TAS2R1: variants seen among roughly 807,000 people sequenced by gnomAD.
TAS2R1 encodes taste receptor type 2 member 1.
For synonymous variants in TAS2R1, 141 were observed against 134.2 expected (o/e 1.05, Z -0.35); for missense variants, 370 against 353.4 (o/e 1.05, Z -0.38).
At chr5:9,895,682 T>C in the TAS2R1 span, among the ~76,000 whole-genome samples, 1 of 152,222 alleles carries the variant, frequency 6.6e-6, no homozygotes, top group Non-Finnish European at 1.5e-5. Context: ...TTCTGGGCAC[T>C]CTATCAACAG....
the TAS2R1 span, among the ~76,000 whole-genome samples, chr5:9,842,598 C>T: frequency 2.9e-3 from 434 of 152,266 alleles, 2 homozygotes; most frequent in African/African-American, 0.01. Flanking sequence ...GCTGGGATTA[C>T]AGGCATGAGC....
chr5:9,709,617 C>T (rs1047024176), intron 1 of TAS2R1, among the ~76,000 whole-genome samples: 4 of 152,220 alleles, frequency 2.6e-5, no homozygotes, highest in Non-Finnish European at 4.4e-5. Flanking sequence ...CTCATCCCTT[C>T]TCTGAGGACA....
In TAS2R1 at chr5:9,629,887, G is replaced by C; in HGVS notation, c.146C>G (p.Ser49Cys). 1 of 1,614,006 alleles carries C rather than the reference G, an allele frequency of 6.2e-7. No homozygotes were observed. Among genetic ancestry groups the C allele is most frequent in the East Asian group, 2.2e-5 (1 of 44,886 alleles). ...RKMAPLDLLL[S>C]CLAVSRIFLQ... ...AAAAATTCTAGAAACTGCCAGACAA[G>C]AAAGAAGGAGATCCAGCGGAGCCAT... Residue 49 changes from serine to cysteine, a missense_variant, in exon 1 of 1, where the codon TCT becomes TGT. Transcript: ENST00000382492.
chr5:9,884,725 C>T, the TAS2R1 span, among the ~76,000 whole-genome samples: 2 of 152,226 alleles, frequency 1.3e-5, no homozygotes, highest in Non-Finnish European at 2.9e-5. Context: ...ACAGCAGTCA[C>T]TCTTGGCAAC....
intron 2 of TAS2R1, among the ~76,000 whole-genome samples, chr5:9,647,502 A>G (rs1462624328): frequency 6.6e-6 from 1 of 152,154 alleles, no homozygotes; most frequent in East Asian, 1.9e-4. Flanking sequence ...AAACCTAGAT[A>G]TAGGAGTCTG....
the TAS2R1 span, among the ~76,000 whole-genome samples, chr5:9,743,266 G>A: frequency 1.3e-5 from 2 of 151,906 alleles, no homozygotes; most frequent in Non-Finnish European, 2.9e-5. Context: ...AATGAAATAG[G>A]GAGATTTCTA....
the TAS2R1 span, among the ~76,000 whole-genome samples, chr5:9,773,847 T>C: frequency 6.6e-6 from 1 of 152,230 alleles, no homozygotes; most frequent in Non-Finnish European, 1.5e-5. Context: ...GGATACTTTC[T>C]TTACCCTTGA....
chr5:9,834,553 G>GA, the TAS2R1 span, among the ~76,000 whole-genome samples: 57 of 150,790 alleles, frequency 3.8e-4, no homozygotes, highest in African/African-American at 8.7e-4. Flanking sequence ...TTTGTAGAAT[G>GA]AAAAAAAAAT....
At chr5:9,809,557 G>A in the TAS2R1 span, among the ~76,000 whole-genome samples, 1 of 151,984 alleles carries the variant, frequency 6.6e-6, no homozygotes, top group South Asian at 2.1e-4. Flanking sequence ...ACCCAATCAT[G>A]GTTACATCCT....
the TAS2R1 span, among the ~76,000 whole-genome samples, chr5:9,873,586 G>A: frequency 2.0e-5 from 3 of 152,016 alleles, no homozygotes; most frequent in Non-Finnish European, 1.5e-5. Flanking sequence ...GGGAGGGGAC[G>A]CTGGGCTCGG....
chr5:9,770,012 T>C, the TAS2R1 span, among the ~76,000 whole-genome samples: 3 of 152,306 alleles, frequency 2.0e-5, no homozygotes, highest in East Asian at 5.8e-4. Context: ...CCTGGAGAGT[T>C]TCCCCAATGT....
the TAS2R1 span, among the ~76,000 whole-genome samples, chr5:9,825,197 T>C: frequency 6.6e-6 from 1 of 152,246 alleles, no homozygotes; most frequent in Non-Finnish European, 1.5e-5. Context: ...GTTCTCAGGC[T>C]GCTAATAGAG....
the TAS2R1 span, among the ~76,000 whole-genome samples, chr5:9,727,167 A>G: frequency 6.6e-6 from 1 of 152,184 alleles, no homozygotes; most frequent in South Asian, 2.1e-4. Context: ...CAAGCCTTTC[A>G]TATTGTAGAC....
the TAS2R1 span, among the ~76,000 whole-genome samples, chr5:9,777,875 G>GTT: frequency 8.2e-6 from 1 of 121,314 alleles, no homozygotes; most frequent in African/African-American, 2.7e-5. Context: ...GGGAGGCCAG[G>GTT]TGTTTTTTTT....
the TAS2R1 span, among the ~76,000 whole-genome samples, chr5:9,791,483 G>C: frequency 6.6e-6 from 1 of 152,184 alleles, no homozygotes; most frequent in Non-Finnish European, 1.5e-5. Flanking sequence ...TGAATCACTT[G>C]AGGCCAGGAG....
intron 1 of TAS2R1, among the ~76,000 whole-genome samples, chr5:9,661,365 C>A (rs1192458604): frequency 1.3e-5 from 2 of 152,188 alleles, no homozygotes; most frequent in Non-Finnish European, 2.9e-5. Context: ...TGACTAATCA[C>A]AGCAGGGTCA....
At chr5:9,754,643 G>A in the TAS2R1 span, among the ~76,000 whole-genome samples, 1,019 of 152,300 alleles carry the variant, frequency 6.7e-3, 8 homozygotes, top group Middle Eastern at 0.017. Context: ...CCCATTCACA[G>A]TTGCTTCAAA....
the TAS2R1 span, among the ~76,000 whole-genome samples, chr5:9,850,385 T>C: frequency 1.1e-4 from 16 of 152,218 alleles, no homozygotes; most frequent in Non-Finnish European, 1.9e-4. Context: ...ACTATTTCCA[T>C]AATCAAAAAG....
At chr5:9,678,105 T>TA (rs1214566894) in intron 1 of TAS2R1, among the ~76,000 whole-genome samples, 2 of 151,564 alleles carry the variant, frequency 1.3e-5, no homozygotes, top group African/African-American at 2.4e-5. Flanking sequence ...ACAACCCCAT[T>TA]AAAAAAATGG....
Sources: gnomAD v4.1 joint callset for allele counts (sites outside exome capture counted in the v4.1 genomes callset) on GRCh38, gnomAD v4.1.1 for gene constraint, MANE v1.5 for transcripts, NCBI Gene and HGNC (gene_info 2026-07-23, HGNC 2026-07-21) for gene names.